Variants in CFAP45 observed in about 807,000 individuals in gnomAD.
The protein encoded by CFAP45 is cilia and flagella associated protein 45, also known as cilia- and flagella-associated protein 45.
A neutral mutation model predicts 75.6 loss-of-function variants in CFAP45; 43 were observed. The observed-to-expected ratio is 0.57, with a 90% CI of 0.45 to 0.73. CFAP45 has a LOEUF of 0.73. CFAP45 is among the 30% of genes least tolerant of loss of function. CFAP45 has a pLI of 0.00. For synonymous variants in CFAP45, 223 were observed against 244.6 expected (o/e 0.91, Z 0.82); for missense variants, 689 against 701.5 (o/e 0.98, Z 0.20).
Position 159,872,987 on chromosome 1 carries a change from C to T in CFAP45, c.1534G>A (p.Glu512Lys). 6.2e-7 allele frequency: 1 copy of T among 1,614,248 alleles called. No homozygotes were observed. The highest frequency in any genetic ancestry group is 8.5e-7 in the Non-Finnish European group (1 of 1,180,044). ...RLKEEAQKRR[E>K]RIDEIKRKKL... ...TTCCTCTTGATCTCATCGATGCGCT[C>T]ACGGCGTTTCTGGGCCTCCTCTTTG... is the stretch of plus-strand genomic sequence containing the variant. Residue 512 changes from glutamate to lysine, a missense_variant, in exon 11 of 12, where the codon GAG (glutamate) becomes AAG (lysine). Glu to Lys is a moderately conservative substitution (Grantham distance 56, BLOSUM62 1). Transcript: ENST00000368099.
chr1:159,890,447 T>G, intron 3 of CFAP45, 33 bp downstream of exon 3: 1 of 1,611,568 alleles, frequency 6.2e-7, no homozygotes, highest in Non-Finnish European at 8.5e-7. Context: ...GGATGAGGAC[T>G]GGACATAGAA....
intron 9 of CFAP45, 143 bp from the exon 10 acceptor site, chr1:159,876,892 G>A (rs960193916): frequency 2.0e-5 from 16 of 806,876 alleles, no homozygotes; most frequent in Non-Finnish European, 2.4e-5. Flanking sequence ...AGTTATTCTA[G>A]GAAAAGATAA....
chr1:159,885,146 T>C (rs1368901583), intron 6 of CFAP45, among the ~76,000 whole-genome samples: 3 of 152,194 alleles, frequency 2.0e-5, no homozygotes, highest in Non-Finnish European at 4.4e-5. Flanking sequence ...GATGGAGTGC[T>C]CGAATGGCTT....
rs4545332 is a variant in CFAP45, at chr1:159,872,776, T to A, written c.1577+168A>T. Among the ~76,000 whole-genome samples the A allele has an allele frequency of 0.59, 89,155 of 152,044 alleles. 27,780 individuals carry two copies. Among genetic ancestry groups the A allele is most frequent in the East Asian group, 0.77 (3,933 of 5,134 alleles). On this transcript the variant is annotated intron_variant, in intron 11 of 11. Coordinates refer to ENST00000368099, the MANE Select transcript of CFAP45 (RefSeq NM_012337.3). The stretch of plus-strand genomic sequence containing the variant: ...CCAGCAAGACCCCATCCCAGGACTT[T>A]CTGCTGGAGCCCCCTTCAGAGGGAT...
chr1:159,875,803 G>A (rs1649386255), intron 10 of CFAP45, among the ~76,000 whole-genome samples: 1 of 152,238 alleles, frequency 6.6e-6, no homozygotes, highest in South Asian at 2.1e-4. Context: ...GGAAAACAGA[G>A]CAGAGAGGGA....
chr1:159,893,392 G>A, intron 1 of CFAP45, 87 bp from the exon 2 acceptor site: 1 of 1,273,430 alleles, frequency 7.9e-7, no homozygotes, highest in Non-Finnish European at 1.1e-6. Flanking sequence ...CCCATGCTGG[G>A]GGAGTGGGTG....
At chr1:159,876,516 G>A in intron 10 of CFAP45, 40 bp downstream of exon 10, 3 of 1,431,642 alleles carry the variant, frequency 2.1e-6, no homozygotes, top group Non-Finnish European at 3.0e-6. Context: ...CCCTGCTACA[G>A]TACAAGGAAA....
chr1:159,895,110 T>C (rs1649924097), intron 1 of CFAP45, among the ~76,000 whole-genome samples: 1 of 152,210 alleles, frequency 6.6e-6, no homozygotes, highest in South Asian at 2.1e-4. Context: ...TAACTAAGAA[T>C]CTGACGAACA....
chr1:159,883,316 G>A (rs1192374485), intron 7 of CFAP45, among the ~76,000 whole-genome samples: 1 of 135,620 alleles, frequency 7.4e-6, no homozygotes, highest in African/African-American at 2.6e-5. Flanking sequence ...GAATGAATGG[G>A]GGAACTCTTC....
chr1:159,888,661 A>C (rs1649753259), intron 3 of CFAP45, among the ~76,000 whole-genome samples, 165 bp from the exon 4 acceptor site: 2 of 151,652 alleles, frequency 1.3e-5, no homozygotes, highest in Non-Finnish European at 3.0e-5. Context: ...TAGATGTTCC[A>C]AGTGGGGGGT....
chr1:159,876,584 C>T lies in CFAP45; in HGVS notation c.1324G>A (p.Asp442Asn), dbSNP rs868548181. The T allele has an allele frequency of 3.7e-6, 6 of 1,614,004 alleles. No homozygotes were observed. The South Asian group carries it at 5.5e-5, about 15-fold the overall frequency. ...AGAATCCTCTCGAACTCATCCCGGT[C>T]CCGTTGCACCTGAACAGCCAGAGCG... ...EHALAVQVQRDRDEFERILRA... is the reference protein window; with the variant it reads ...EHALAVQVQRNRDEFERILRA... The change falls in exon 10 of 12, where the codon GAC (aspartate) becomes AAC (asparagine). Residue 442 changes from aspartate (D) to asparagine (N), a missense_variant. Asp to Asn is a conservative substitution (Grantham distance 23). Coordinates refer to ENST00000368099, the MANE Select transcript of CFAP45 (RefSeq NM_012337.3).
chr1:159,887,737 G>GCCCCC, intron 5 of CFAP45, 104 bp downstream of exon 5: 1 of 1,066,472 alleles, frequency 9.4e-7, no homozygotes. Flanking sequence ...CCCCACCCCT[G>GCCCCC]CCCACACCCC....
rs139003441 is a variant in CFAP45 at position 159,883,236 on chromosome 1, G to C, written c.897+1200C>G. Among the ~76,000 whole-genome samples the C allele has an allele frequency of 1.5e-4, 23 of 152,220 alleles. No homozygotes were observed. The East Asian group carries it at 4.4e-3, about 29-fold the overall frequency. ...TTCAGAATGTGAGATATTCTTAAAG[G>C]CAACTGGCCTAGATGCTTCAAAATA... On this transcript the variant is annotated intron_variant, in intron 7 of 11. Coordinates refer to ENST00000368099, the MANE Select transcript of CFAP45 (RefSeq NM_012337.3).
rs569820838 is a variant in CFAP45, at chr1:159,876,045, T to C, written c.1352+511A>G. Among the ~76,000 whole-genome samples, 6 of 152,344 alleles carry C rather than the reference T, an allele frequency of 3.9e-5. No individual in the cohort carries two copies. In the South Asian group the frequency reaches 1.2e-3, roughly 32 times the overall value. ...TGGAATGGGCAAGAGCAGTGTTTTG[T>C]TAATTGCTAATGTCCTCCATGGCAT... On this transcript the variant is annotated intron_variant, in intron 10 of 11. Transcript: ENST00000368099.
rs1202879447 is a variant in CFAP45, at chr1:159,872,457, G to T, written c.*28C>A. On this transcript the variant is annotated 3_prime_UTR_variant, in exon 12 of 12. Coordinates refer to ENST00000368099, the MANE Select transcript of CFAP45 (RefSeq NM_012337.3). ...GACTGGGCAGAATCTGTCCCCCGAA[G>T]GCATCCTGAGGGCCACGAAGGCTCC... 6.3e-7 allele frequency: 1 copy of T among 1,586,512 alleles called. No individual in the cohort carries two copies. Among genetic ancestry groups the T allele is most frequent in the Non-Finnish European group, 8.7e-7 (1 of 1,154,752 alleles).
chr1:159,883,601 C>T (rs889308631), intron 7 of CFAP45, among the ~76,000 whole-genome samples: 1 of 144,986 alleles, frequency 6.9e-6, no homozygotes, highest in Non-Finnish European at 1.5e-5. Flanking sequence ...CTGCAACTTA[C>T]TTTCAAATAG....
chr1:159,890,426 C>T, intron 3 of CFAP45, 54 bp downstream of exon 3: 1 of 1,585,474 alleles, frequency 6.3e-7, no homozygotes, highest in Non-Finnish European at 8.6e-7. Flanking sequence ...CTACAAAGAT[C>T]CTTAGCAAAA....
chr1:159,876,343 TC>T (rs1300154327), intron 10 of CFAP45: 1 of 592,182 alleles, frequency 1.7e-6, no homozygotes, highest in African/African-American at 1.9e-5. Flanking sequence ...CTTAAGCAAT[TC>T]CAGGTGCTAT....
At position 159,893,266 on chromosome 1, in the gene CFAP45, C is replaced by G. The variant is rs544005243; in HGVS notation, c.43G>C (p.Ala15Pro). 18 of 1,613,584 alleles carry G rather than the reference C, an allele frequency of 1.1e-5. No individual in the cohort carries two copies. Among genetic ancestry groups the G allele is most frequent in the Admixed American group, 1.7e-5 (1 of 60,006 alleles). ...TAGILSSSSA[A>P]SNRSRNKARY... ...GCCTTATTCCTTGACCTGTTGGAAGCGGCAGAAGAGGAGCTCAGGATGCCA... is the reference window on the plus strand; with the variant it reads ...GCCTTATTCCTTGACCTGTTGGAAGGGGCAGAAGAGGAGCTCAGGATGCCA... The change falls in exon 2 of 12, where the codon GCT becomes CCT. Residue 15 changes from alanine (A) to proline (P), a missense_variant. Physicochemically the swap from Ala to Pro is conservative, Grantham distance 27. Coordinates refer to ENST00000368099, the MANE Select transcript of CFAP45 (RefSeq NM_012337.3).
Sources: allele counts gnomAD v4.1 joint callset (sites outside exome capture counted in the v4.1 genomes callset), GRCh38; gene constraint gnomAD v4.1.1; transcripts MANE v1.5; gene names NCBI Gene and HGNC (gene_info 2026-07-23, HGNC 2026-07-21).